The following CEMIP2 variants were observed in gnomAD, a reference collection of about 807,000 sequenced individuals.
CEMIP2 encodes the protein cell surface hyaluronidase CEMIP2.
Under a neutral mutation model 146.9 loss-of-function variants are expected in CEMIP2, and 79 were observed. The ratio of observed to expected loss-of-function variants is 0.54; its 90% CI spans 0.45 to 0.65. CEMIP2 has a LOEUF of 0.65. Among genes scored for constraint, CEMIP2 ranks in the 30% least tolerant of loss-of-function variants. The pLI is 0.00. For synonymous variants in CEMIP2, 601 were observed against 606.3 expected (o/e 0.99, Z 0.13); for missense variants, 1,596 against 1,696.2 (o/e 0.94, Z 1.04).
intron 19 of CEMIP2, chr9:71,699,350 G>T (rs766250627): frequency 1.5e-5 from 6 of 399,898 alleles, no homozygotes; most frequent in South Asian, 1.1e-4. Flanking sequence ...TGAGGCTGAG[G>T]TGGGAGGATC....
At chr9:71,706,122 G>A (rs1424524283) in intron 17 of CEMIP2, among the ~76,000 whole-genome samples, 1 of 151,766 alleles carries the variant, frequency 6.6e-6, no homozygotes, top group African/African-American at 2.4e-5. Context: ...CCAGCTACTT[G>A]GGAGGCTGAG....
At chr9:71,716,853 T>C (rs1823070914) in intron 13 of CEMIP2, among the ~76,000 whole-genome samples, 1 of 152,218 alleles carries the variant, frequency 6.6e-6, no homozygotes, top group Admixed American at 6.5e-5. Context: ...CATAGGATTC[T>C]TGAGAGTATT....
At chr9:71,731,365 A>G (rs1823611681) in intron 7 of CEMIP2, among the ~76,000 whole-genome samples, 1 of 152,110 alleles carries the variant, frequency 6.6e-6, no homozygotes, top group Non-Finnish European at 1.5e-5. Context: ...AAGTTTGAGC[A>G]CTCTCAATAT....
intron 4 of CEMIP2, among the ~76,000 whole-genome samples, chr9:71,740,895 T>A (rs1272189780): frequency 1.3e-5 from 2 of 152,184 alleles, no homozygotes; most frequent in Non-Finnish European, 2.9e-5. Context: ...AGGAAGGGCA[T>A]GCTGAATTAG....
At chr9:71,734,566 A>G (rs1016401306) in intron 6 of CEMIP2, among the ~76,000 whole-genome samples, 1 of 152,162 alleles carries the variant, frequency 6.6e-6, no homozygotes, top group Admixed American at 6.5e-5. Flanking sequence ...TCTTTTTTTT[A>G]TACAAAGAAA....
chr9:71,768,845 C>G (rs1824884201), upstream of CEMIP2: 1 of 149,750 alleles, frequency 6.7e-6, no homozygotes, highest in South Asian at 2.1e-4. Flanking sequence ...TCGCGCTCAG[C>G]CTCCGCCGGC....
At chr9:71,708,795 G>A (rs1375166903) in intron 17 of CEMIP2, among the ~76,000 whole-genome samples, 2 of 152,050 alleles carry the variant, frequency 1.3e-5, no homozygotes, top group Non-Finnish European at 1.5e-5. Flanking sequence ...CTCCAGCTCT[G>A]TCCCCGGGAA....
At chr9:71,727,439 T>G (rs946046001) in intron 10 of CEMIP2, among the ~76,000 whole-genome samples, 1 of 152,180 alleles carries the variant, frequency 6.6e-6, no homozygotes, top group South Asian at 2.1e-4. Context: ...AAACCTAAAA[T>G]GATCAAATGT....
chr9:71,712,360 T>C, intron 15 of CEMIP2, 100 bp from the exon 16 acceptor site: 1 of 1,170,414 alleles, frequency 8.5e-7, no homozygotes, highest in Non-Finnish European at 1.2e-6. Context: ...CGGTATGAAC[T>C]AAGCAAAATT....
In CEMIP2 at chr9:71,745,190, G is replaced by A; in HGVS notation, c.862C>T (p.His288Tyr). Residue 288 changes from histidine to tyrosine, a missense_variant, in exon 4 of 24, where the codon CAT becomes TAT. Physicochemically the swap from His to Tyr is moderately conservative, Grantham distance 83. Transcript: ENST00000377044. ...CGCCTGCTCTCATTGCGGTATTCAT[G>A]GGTATCAAATCTCTCACTTTCCAAA... The part of the protein sequence containing the change: ...KILESERFDT[H>Y]EYRNESRRLQ... The A allele has an allele frequency of 2.5e-6, 4 of 1,614,090 alleles. No homozygotes were observed. Among genetic ancestry groups the A allele is most frequent in the Non-Finnish European group, 3.4e-6 (4 of 1,180,006 alleles).
In CEMIP2 at chr9:71,732,504, C is replaced by T. The variant is rs936661424; in HGVS notation, c.1410G>A (p.Leu470=). The T allele has an allele frequency of 3.1e-6, 5 of 1,602,538 alleles. No homozygotes were observed. ...QVKVKETPQF[L]HMGEIIDGVD... The stretch of plus-strand genomic sequence containing the variant: ...CACCGTCTATGATCTCACCCATGTG[C>T]AGGAACTGAGGGGTTTCTGGTTGAT... Residue 470 remains leucine (L), a synonymous_variant, in exon 7 of 24, where the codon CTG becomes CTA. Coordinates refer to ENST00000377044, the MANE Select transcript of CEMIP2 (RefSeq NM_013390.3).
At chr9:71,711,896 C>T (rs1336746009) in intron 16 of CEMIP2, among the ~76,000 whole-genome samples, 187 bp downstream of exon 16, 3 of 152,162 alleles carry the variant, frequency 2.0e-5, no homozygotes, top group Non-Finnish European at 4.4e-5. Context: ...CAGAGTCACA[C>T]GGGACTTCTG....
intron 6 of CEMIP2, among the ~76,000 whole-genome samples, chr9:71,734,181 T>C (rs1305122081): frequency 6.6e-6 from 1 of 152,026 alleles, no homozygotes; most frequent in East Asian, 1.9e-4. Context: ...ACCTATCTGA[T>C]TCCATTTTAA....
At chr9:71,745,949 G>C (rs1824074578) in intron 3 of CEMIP2, among the ~76,000 whole-genome samples, 1 of 152,172 alleles carries the variant, frequency 6.6e-6, no homozygotes, top group Non-Finnish European at 1.5e-5. Context: ...CTCTGGAACT[G>C]TTTCCTTGTC....
At chr9:71,685,960 ACTCC>A in intron 22 of CEMIP2, 114 bp from the exon 23 acceptor site, 1 of 739,388 alleles carries the variant, frequency 1.4e-6, no homozygotes, top group African/African-American at 1.8e-5. Flanking sequence ...TAAAAGCAGA[ACTCC>A]AAAAAGAAAA....
rs1164205843 is a variant in CEMIP2 at position 71,728,261 on chromosome 9, G to GTATATATA, written c.2049+1576_2049+1583dup. On this transcript the variant is annotated intron_variant, in intron 10 of 23. Coordinates refer to ENST00000377044, the MANE Select transcript of CEMIP2 (RefSeq NM_013390.3). The stretch of plus-strand genomic sequence containing the variant: ...TATATATATATATATGTATATACAC[G>GTATATATA]TATATATATATATATATATGTATAT... 9.9e-4 allele frequency among the ~76,000 whole-genome samples: 5 copies of GTATATATA among 5,026 alleles called. 2 individuals carry two copies. The highest frequency in any genetic ancestry group is 1.6e-3 in the African/African-American group (3 of 1,884). The allele number at this position is 5,026 out of a possible 152,430, so 3.3% of individuals were successfully genotyped here. A position where few individuals can be genotyped will look rare whatever the true frequency, so the allele number is the denominator to read the frequency against.
At chr9:71,763,920 G>T (rs767620597) in intron 1 of CEMIP2, among the ~76,000 whole-genome samples, 1 of 152,140 alleles carries the variant, frequency 6.6e-6, no homozygotes, top group Non-Finnish European at 1.5e-5. Context: ...TCCTAGGAAT[G>T]CAATAAAATA....
rs767959840 is a variant in CEMIP2 at position 71,746,238 on chromosome 9, T to G, written c.435A>C (p.Ser145=). ...TGACTATAGAATGCACGGTGGCGTC[T>G]GAGGTCAGACGGAGCATATCTCCCT... ...IKEGDMLRLT[S]DATVHSIVIQ... Residue 145 remains serine, a synonymous_variant, in exon 3 of 24, where the codon TCA becomes TCC. Coordinates refer to ENST00000377044, the MANE Select transcript of CEMIP2 (RefSeq NM_013390.3). The G allele has an allele frequency of 5.6e-6, 9 of 1,613,862 alleles. No homozygotes were observed.
At chr9:71,741,730 T>C (rs1436174556) in intron 4 of CEMIP2, among the ~76,000 whole-genome samples, 1 of 142,832 alleles carries the variant, frequency 7.0e-6, no homozygotes, top group Non-Finnish European at 1.5e-5. Context: ...CCTCCACCTC[T>C]GGGGTTCAAG....
Sources: gnomAD v4.1 joint callset for allele counts (sites outside exome capture counted in the v4.1 genomes callset) on GRCh38, gnomAD v4.1.1 for gene constraint, MANE v1.5 for transcripts, NCBI Gene and HGNC (gene_info 2026-07-23, HGNC 2026-07-21) for gene names.